RBFOX3: variants seen among roughly 807,000 people sequenced by gnomAD.
RBFOX3 encodes RNA binding protein fox-1 homolog 3.
A neutral mutation model predicts 48.7 loss-of-function variants in RBFOX3; 17 were observed. The ratio of observed to expected loss-of-function variants is 0.35; its 90% CI spans 0.24 to 0.52. The LOEUF is 0.52. Among genes scored for constraint, RBFOX3 ranks in the 20% least tolerant of loss-of-function variants. The pLI is 0.94. For synonymous variants in RBFOX3, 212 were observed against 209.5 expected (o/e 1.01, Z -0.10); for missense variants, 382 against 497.5 (o/e 0.77, Z 2.21).
At chr17:79,168,998 C>G (rs2048590650) in intron 4 of RBFOX3, among the ~76,000 whole-genome samples, 1 of 152,196 alleles carries the variant, frequency 6.6e-6, no homozygotes, top group Non-Finnish European at 1.5e-5. Context: ...AAACAACCAG[C>G]ACCCCAAACA....
chr17:79,477,520 C>T lies in RBFOX3; in HGVS notation c.-175+4934G>A, dbSNP rs1435254463. 1.3e-5 allele frequency among the ~76,000 whole-genome samples: 2 copies of T among 151,802 alleles called. No homozygotes were observed. The highest frequency in any genetic ancestry group is 1.3e-4 in the Admixed American group (2 of 15,272). ...GCAGTGAGCTGAGATCGCCCCATCG[C>T]ACTCCAGCCTGGGCGACAGAGCGAA... On this transcript the variant is annotated intron_variant, in intron 2 of 14. Coordinates refer to ENST00000693108, the MANE Select transcript of RBFOX3 (RefSeq NM_001350451.2). The surrounding 1 kb of genome is among the most constrained non-coding windows in gnomAD (Gnocchi z 4.8).
chr17:79,350,012 C>T (rs575673160), intron 2 of RBFOX3, among the ~76,000 whole-genome samples: 1 of 152,332 alleles, frequency 6.6e-6, no homozygotes, highest in Middle Eastern at 3.4e-3. Flanking sequence ...CCACCAAAGT[C>T]GTCCTTAGGT....
At chr17:79,284,438 A>G (rs1001580434) in intron 3 of RBFOX3, among the ~76,000 whole-genome samples, 4 of 152,206 alleles carry the variant, frequency 2.6e-5, no homozygotes, top group African/African-American at 4.8e-5. Context: ...GTCATAAAAA[A>G]TAGGGAGGAG....
At chr17:79,310,445 C>T (rs1326134574) in intron 2 of RBFOX3, among the ~76,000 whole-genome samples, 1 of 152,170 alleles carries the variant, frequency 6.6e-6, no homozygotes, top group East Asian at 1.9e-4. Flanking sequence ...GCTCGAGGTT[C>T]CTGTAGACTT....
intron 2 of RBFOX3, among the ~76,000 whole-genome samples, chr17:79,434,222 AT>A (rs1346943201): frequency 8.5e-5 from 13 of 152,152 alleles, no homozygotes; most frequent in Admixed American, 2.0e-4. Context: ...GGCTACTGCA[AT>A]TTTTTTGCTG....
chr17:79,387,571 G>C (rs960906692), intron 2 of RBFOX3, among the ~76,000 whole-genome samples: 4 of 152,260 alleles, frequency 2.6e-5, no homozygotes, highest in African/African-American at 9.6e-5. Flanking sequence ...GCTGAGGCCA[G>C]AGAGGACAGG....
At chr17:79,148,910 T>C (rs2043665706) in intron 4 of RBFOX3, among the ~76,000 whole-genome samples, 1 of 152,064 alleles carries the variant, frequency 6.6e-6, no homozygotes, top group South Asian at 2.1e-4. Context: ...TGTAAGGTCA[T>C]GGGGGATGGA....
intron 1 of RBFOX3, among the ~76,000 whole-genome samples, chr17:79,570,091 G>A (rs1277729819): frequency 6.7e-6 from 1 of 149,986 alleles, no homozygotes; most frequent in Non-Finnish European, 1.5e-5. Context: ...TGGACAGATG[G>A]ATTATGGATG....
chr17:79,155,438 C>T (rs768794967), intron 4 of RBFOX3, among the ~76,000 whole-genome samples: 3 of 152,272 alleles, frequency 2.0e-5, no homozygotes, highest in Non-Finnish European at 2.9e-5. Context: ...CTCCATCAGA[C>T]GGATACCTCG....
At chr17:79,209,165 G>C (rs1265442888) in intron 4 of RBFOX3, among the ~76,000 whole-genome samples, 2 of 152,098 alleles carry the variant, frequency 1.3e-5, no homozygotes, top group Non-Finnish European at 2.9e-5. Flanking sequence ...TCTCCCACCA[G>C]GCCACCCATG....
intron 4 of RBFOX3, among the ~76,000 whole-genome samples, chr17:79,222,128 C>G (rs1047043628): frequency 3.3e-5 from 5 of 151,962 alleles, no homozygotes. Flanking sequence ...TTGATTTCTA[C>G]CCGCAGCCTG....
Position 79,115,694 on chromosome 17 carries a change from C to CGGGGGGGGGGGGGGGGGGGGG in RBFOX3, c.21_22insCCCCCCCCCCCCCCCCCCCCC (p.Pro7_Ala8insProProProProProProPro). On this transcript the variant is annotated inframe_insertion, in exon 5 of 15. Coordinates refer to ENST00000693108, the MANE Select transcript of RBFOX3 (RefSeq NM_001350451.2). ...TTCTGTGGCGGAGGGGGGTACTGGG[C>CGGGGGGGGGGGGGGGGGGGGG]GGGGGGGTAGGGCTGGGCCATCGCT... 1 of 147,664 alleles carries CGGGGGGGGGGGGGGGGGGGGG rather than the reference C, an allele frequency of 6.8e-6. No individual in the cohort carries two copies. The highest frequency in any genetic ancestry group is 1.2e-5 in the Non-Finnish European group (1 of 85,438). The allele number at this position is 147,664 out of a possible 1,614,324, so 9.1% of individuals were successfully genotyped here.
intron 5 of RBFOX3, among the ~76,000 whole-genome samples, chr17:79,108,993 G>T (rs1011960660): frequency 2.6e-5 from 4 of 152,262 alleles, no homozygotes; most frequent in African/African-American, 9.6e-5. Context: ...CCACAGCGTG[G>T]GAACCGCTGT....
chr17:79,095,137 C>A (rs1198722994), intron 13 of RBFOX3, among the ~76,000 whole-genome samples: 1 of 152,146 alleles, frequency 6.6e-6, no homozygotes, highest in East Asian at 1.9e-4. Context: ...AGCTCAGCTA[C>A]CAACAGGCCA....
At chr17:79,275,285 C>T (rs910867019) in intron 3 of RBFOX3, among the ~76,000 whole-genome samples, 1 of 152,040 alleles carries the variant, frequency 6.6e-6, no homozygotes, top group Non-Finnish European at 1.5e-5. Flanking sequence ...GGGGCCTGCA[C>T]TCCAGCTGTC....
At chr17:79,488,856 C>T (rs2149565675) in intron 1 of RBFOX3, among the ~76,000 whole-genome samples, 1 of 152,296 alleles carries the variant, frequency 6.6e-6, no homozygotes, top group South Asian at 2.1e-4. Flanking sequence ...CTCTGAAGGC[C>T]ACCAGAGCCA....
rs2077367393 is a variant in RBFOX3, at chr17:79,473,938, G to C, written c.-175+8516C>G. On this transcript the variant is annotated intron_variant, in intron 2 of 14. Coordinates refer to ENST00000693108, the MANE Select transcript of RBFOX3 (RefSeq NM_001350451.2). The surrounding 1 kb of genome is among the most constrained non-coding windows in gnomAD (Gnocchi z 4.2). Reference sequence around the variant, plus strand: ...AGGCATTTGCTGACGCTCCTTTTCTGTTCTTTCCCCCACAGAACACAGATG... The same window carrying C: ...AGGCATTTGCTGACGCTCCTTTTCTCTTCTTTCCCCCACAGAACACAGATG... Among the ~76,000 whole-genome samples the C allele has an allele frequency of 6.6e-6, 1 of 152,028 alleles. No homozygotes were observed. The highest frequency in any genetic ancestry group is 1.9e-4 in the East Asian group (1 of 5,198).
intron 1 of RBFOX3, among the ~76,000 whole-genome samples, chr17:79,551,359 A>C (rs2091125893): frequency 2.6e-5 from 4 of 152,186 alleles, no homozygotes. Context: ...TCCAAATCTC[A>C]TGTTGAAATG....
chr17:79,617,055 G>T, the RBFOX3 span, among the ~76,000 whole-genome samples: 1 of 152,158 alleles, frequency 6.6e-6, no homozygotes, highest in Non-Finnish European at 1.5e-5. Context: ...CAGTCCCAAG[G>T]TTTATCATCC....
Sources: allele counts gnomAD v4.1 joint callset (sites outside exome capture counted in the v4.1 genomes callset), GRCh38; gene constraint gnomAD v4.1.1; non-coding constraint Gnocchi (gnomAD v3.1); transcripts MANE v1.5; gene names NCBI Gene and HGNC (gene_info 2026-07-23, HGNC 2026-07-21).